Variants in ELP4 observed in about 807,000 individuals in gnomAD.
The protein encoded by ELP4 is elongator acetyltransferase complex subunit 4, also known as elongator complex protein 4.
Under a neutral mutation model 48.9 loss-of-function variants are expected in ELP4, and 51 were observed. That is an observed-to-expected ratio of 1.04 (90% CI 0.83 to 1.32). ELP4 has a LOEUF of 1.32. Among genes scored for constraint, ELP4 ranks in the 40% most tolerant of loss-of-function variants. The pLI is 0.00. For missense variants in ELP4, 519 were observed against 514.6 expected, an observed-to-expected ratio of 1.01 and a Z score of -0.08; for synonymous variants, 210 against 189.2, an observed-to-expected ratio of 1.11 and a Z score of -0.90.
chr11:31,523,717 AT>A (rs1326231517), intron 2 of ELP4, among the ~76,000 whole-genome samples: 4 of 151,376 alleles, frequency 2.6e-5, no homozygotes, highest in Non-Finnish European at 5.9e-5. Flanking sequence ...AATTAATAAA[AT>A]CAAAAATTGA....
intron 4 of ELP4, among the ~76,000 whole-genome samples, chr11:31,600,805 A>G (rs1018729995): frequency 2.6e-5 from 4 of 152,180 alleles, no homozygotes; most frequent in Admixed American, 2.0e-4. Context: ...AACAGTAAGA[A>G]AAGGTCTTAT....
chr11:31,748,044 C>T (rs1293072590), intron 9 of ELP4, among the ~76,000 whole-genome samples: 1 of 152,102 alleles, frequency 6.6e-6, no homozygotes, highest in African/African-American at 2.4e-5. Flanking sequence ...ATATGCAAAA[C>T]AGAATATTTT....
At chr11:31,556,909 T>A (rs376805042) in intron 3 of ELP4, among the ~76,000 whole-genome samples, 1 of 151,876 alleles carries the variant, frequency 6.6e-6, no homozygotes. Context: ...GCTTATAGTA[T>A]ATAATATTTT....
chr11:31,595,225 T>G (rs930122090), intron 4 of ELP4, among the ~76,000 whole-genome samples: 2 of 152,174 alleles, frequency 1.3e-5, no homozygotes, highest in African/African-American at 4.8e-5. Flanking sequence ...TGATGGTTCT[T>G]TGGAATTACT....
chr11:31,584,520 G>C (rs894496165), intron 3 of ELP4, among the ~76,000 whole-genome samples: 46 of 151,776 alleles, frequency 3.0e-4, no homozygotes, highest in African/African-American at 1.1e-3. Flanking sequence ...TTTTTGTTTT[G>C]TTTTGTTGTT....
At chr11:31,610,324 TTTG>T (rs1957954396) in intron 5 of ELP4, among the ~76,000 whole-genome samples, 1 of 85,170 alleles carries the variant, frequency 1.2e-5, no homozygotes, top group Non-Finnish European at 3.4e-5. Context: ...GGCCTCATTT[TTTG>T]TTTGTTTTGT....
At chr11:31,676,998 G>A (rs1255417514) in intron 9 of ELP4, among the ~76,000 whole-genome samples, 3 of 152,084 alleles carry the variant, frequency 2.0e-5, no homozygotes, top group Admixed American at 1.3e-4. Flanking sequence ...GTGACAAAGG[G>A]TATAATTTCT....
At chr11:31,604,021 A>G in intron 5 of ELP4, 114 bp downstream of exon 5, 1 of 721,742 alleles carries the variant, frequency 1.4e-6, no homozygotes, top group Non-Finnish European at 2.0e-6. Flanking sequence ...AATAATAAAT[A>G]TTAGTTTTCT....
intron 2 of ELP4, among the ~76,000 whole-genome samples, chr11:31,520,608 T>C (rs1956196959): frequency 6.6e-6 from 1 of 152,074 alleles, no homozygotes; most frequent in Admixed American, 6.5e-5. Flanking sequence ...GGTCACAGAA[T>C]CTTGGAATTG....
intron 9 of ELP4, among the ~76,000 whole-genome samples, chr11:31,672,302 A>G (rs1565105324): frequency 6.6e-6 from 1 of 152,142 alleles, no homozygotes; most frequent in African/African-American, 2.4e-5. Flanking sequence ...GAACTGTTCA[A>G]ATTGTTTTGT....
chr11:31,767,465 T>C (rs1948065801), intron 9 of ELP4: 2 of 152,156 alleles, frequency 1.3e-5, no homozygotes, highest in South Asian at 4.1e-4. Flanking sequence ...AAATTACTTT[T>C]TAAAGAATAG....
At chr11:31,682,021 A>C (rs1170927272) in intron 9 of ELP4, 1 of 1,285,852 alleles carries the variant, frequency 7.8e-7, no homozygotes, top group Non-Finnish European at 1.0e-6. Context: ...AATTACAGGC[A>C]TGAGCTACCG....
intron 9 of ELP4, among the ~76,000 whole-genome samples, chr11:31,715,680 A>G (rs1366120599): frequency 6.6e-6 from 1 of 152,224 alleles, no homozygotes; most frequent in East Asian, 1.9e-4. Flanking sequence ...AGTGTTTTAA[A>G]GCATGAATTC....
chr11:31,602,254 A>T (rs1957797570), intron 4 of ELP4, among the ~76,000 whole-genome samples: 1 of 152,078 alleles, frequency 6.6e-6, no homozygotes, highest in African/African-American at 2.4e-5. Flanking sequence ...ATTCTGAACT[A>T]TAATCCGGAT....
chr11:31,677,136 C>T (rs1449758369), intron 9 of ELP4, among the ~76,000 whole-genome samples: 3 of 151,984 alleles, frequency 2.0e-5, no homozygotes, highest in Non-Finnish European at 2.9e-5. Flanking sequence ...GAACAAAGTC[C>T]GACTTCATTT....
intron 3 of ELP4, among the ~76,000 whole-genome samples, chr11:31,551,937 A>T (rs1185148661): frequency 1.3e-5 from 2 of 152,174 alleles, no homozygotes; most frequent in African/African-American, 4.8e-5. Context: ...TTTCTAACCT[A>T]GTAACAAAAA....
chr11:31,774,388 G>T (rs1184919835), intron 9 of ELP4, among the ~76,000 whole-genome samples: 5 of 152,138 alleles, frequency 3.3e-5, no homozygotes, highest in African/African-American at 1.2e-4. Context: ...CATCTGCAAA[G>T]GTTGTCTGTC....
chr11:31,576,944 A>G (rs1210931174), intron 3 of ELP4, among the ~76,000 whole-genome samples: 1 of 152,226 alleles, frequency 6.6e-6, no homozygotes, highest in East Asian at 1.9e-4. Context: ...CTAAGATCAG[A>G]GCAGAACTGA....
At chr11:31,525,198 A>C (rs769814355) in intron 2 of ELP4, among the ~76,000 whole-genome samples, 4 of 152,194 alleles carry the variant, frequency 2.6e-5, no homozygotes, top group Admixed American at 6.5e-5. Flanking sequence ...TCCTTAAGAA[A>C]AATTTTGCCA....
Sources: gnomAD v4.1 joint callset for allele counts (sites outside exome capture counted in the v4.1 genomes callset) on GRCh38, gnomAD v4.1.1 for gene constraint, MANE v1.5 for transcripts, NCBI Gene and HGNC (gene_info 2026-07-23, HGNC 2026-07-21) for gene names.